The following DCC variants were observed in gnomAD, a reference collection of about 807,000 sequenced individuals.
DCC encodes the protein netrin receptor DCC.
A neutral mutation model predicts 172.5 loss-of-function variants in DCC; 58 were observed. That is an observed-to-expected ratio of 0.34 (90% CI 0.27 to 0.42). The LOEUF is 0.42. DCC is among the 10% of genes least tolerant of loss of function. The pLI is 1.00. For missense variants in DCC, 1,740 were observed against 1,791.0 expected (o/e 0.97, Z 0.51); for synonymous variants, 709 against 644.5 (o/e 1.10, Z -1.52).
chr18:53,303,184 T>G (rs188172882), intron 12 of DCC, among the ~76,000 whole-genome samples: 2 of 152,352 alleles, frequency 1.3e-5, no homozygotes, highest in East Asian at 3.9e-4. Context: ...TCCCACTGAA[T>G]TTTGAGAGAT....
chr18:52,978,231 G>T (rs1350852549), intron 5 of DCC, among the ~76,000 whole-genome samples: 2 of 152,050 alleles, frequency 1.3e-5, no homozygotes, highest in African/African-American at 4.8e-5. Flanking sequence ...GAAAGACAGT[G>T]GAAAATTGCT....
chr18:52,870,068 T>C (rs1053883307), intron 2 of DCC, among the ~76,000 whole-genome samples: 1 of 152,134 alleles, frequency 6.6e-6, no homozygotes, highest in Non-Finnish European at 1.5e-5. Flanking sequence ...AGTGGGCGAC[T>C]TGGCCTAGCC....
chr18:53,266,936 T>G (rs2056681775), intron 12 of DCC, among the ~76,000 whole-genome samples: 1 of 152,042 alleles, frequency 6.6e-6, no homozygotes, highest in African/African-American at 2.4e-5. Flanking sequence ...TCACAGATGT[T>G]TGGGCTGTTT....
intron 1 of DCC, among the ~76,000 whole-genome samples, chr18:52,728,002 A>T (rs1486874453): frequency 6.6e-6 from 1 of 152,174 alleles, no homozygotes; most frequent in Non-Finnish European, 1.5e-5. Context: ...CATTATAGTG[A>T]TACAATTTAT....
rs2056156694 is a variant in DCC at position 53,233,689 on chromosome 18, A to G, written c.1911+18092A>G. Among the ~76,000 whole-genome samples the G allele has an allele frequency of 2.0e-5, 3 of 152,228 alleles. No individual in the cohort carries two copies. In the South Asian group the frequency reaches 6.2e-4, roughly 31 times the overall value. On this transcript the variant is annotated intron_variant, in intron 12 of 28. Transcript: ENST00000442544. The stretch of plus-strand genomic sequence containing the variant: ...TACCTTTGTGAATAATTCACCAAGC[A>G]TGTGAACCACTGCTTATATAACTTC...
At chr18:52,671,350 G>T (rs1211647628) in intron 1 of DCC, among the ~76,000 whole-genome samples, 1 of 151,986 alleles carries the variant, frequency 6.6e-6, no homozygotes, top group Non-Finnish European at 1.5e-5. Context: ...CACTTCTCCT[G>T]GTTGTCTGCC....
chr18:52,754,560 C>T (rs2037049000), intron 2 of DCC, among the ~76,000 whole-genome samples: 1 of 152,168 alleles, frequency 6.6e-6, no homozygotes, highest in Middle Eastern at 3.2e-3. Context: ...TCATCAGAAA[C>T]CAATCATGCT....
rs1336231918 is a variant in DCC at position 53,420,970 on chromosome 18, A to G, written c.3163+4814A>G. On this transcript the variant is annotated intron_variant, in intron 21 of 28. Transcript: ENST00000442544. ...GGTTCCTAGAGTGTGCAGTCTTTCTACTGTAAATGGTTACTATATTTAAAC... is the reference window on the plus strand; with the variant it reads ...GGTTCCTAGAGTGTGCAGTCTTTCTGCTGTAAATGGTTACTATATTTAAAC... Among the ~76,000 whole-genome samples the G allele has an allele frequency of 3.9e-5, 6 of 152,102 alleles. No individual in the cohort carries two copies. The East Asian group carries it at 1.2e-3, about 29-fold the overall frequency.
At chr18:52,427,883 C>CCTTCCTTCCTTCCTTA (rs1568165795) in intron 1 of DCC, among the ~76,000 whole-genome samples, 2 of 139,986 alleles carry the variant, frequency 1.4e-5, no homozygotes, top group African/African-American at 5.4e-5. Flanking sequence ...TTCCTTCCTT[C>CCTTCCTTCCTTCCTTA]CTTCCTTCCT....
chr18:52,351,044 T>C (rs572427983), intron 1 of DCC, among the ~76,000 whole-genome samples: 1 of 152,218 alleles, frequency 6.6e-6, no homozygotes, highest in Admixed American at 6.5e-5. Context: ...GAAAATACTG[T>C]AGGAAAGGGT....
chr18:52,385,191 T>A (rs1985744535), intron 1 of DCC, among the ~76,000 whole-genome samples: 1 of 152,146 alleles, frequency 6.6e-6, no homozygotes, highest in Non-Finnish European at 1.5e-5. Flanking sequence ...GTCTGGGTGC[T>A]CTATTTTCTT....
intron 1 of DCC, among the ~76,000 whole-genome samples, chr18:52,429,817 T>C (rs114989634): frequency 1.0e-3 from 158 of 152,240 alleles, no homozygotes; most frequent in African/African-American, 3.7e-3. Flanking sequence ...TCTAAAGTAA[T>C]TAAAACCTGG....
chr18:53,355,645 G>C (rs2144917621), intron 15 of DCC, among the ~76,000 whole-genome samples: 2 of 152,218 alleles, frequency 1.3e-5, no homozygotes, highest in South Asian at 4.2e-4. Flanking sequence ...TGCTGAAGTT[G>C]CTTATCAGCT....
In DCC at chr18:53,195,620, C is replaced by T. The variant is rs572703707; in HGVS notation, c.1574-9596C>T. 2.0e-5 allele frequency among the ~76,000 whole-genome samples: 3 copies of T among 151,196 alleles called. No individual in the cohort carries two copies. The South Asian group carries it at 6.6e-4, about 33-fold the overall frequency. ...ATAGGGTCGTTTTTGTCTCCATTTC[C>T]CAACTTGTAAGTTCTGTTCTGGAAA... On this transcript the variant is annotated intron_variant, in intron 9 of 28. Transcript: ENST00000442544.
chr18:52,820,683 A>G (rs2038389859), intron 2 of DCC, among the ~76,000 whole-genome samples: 1 of 152,204 alleles, frequency 6.6e-6, no homozygotes, highest in Non-Finnish European at 1.5e-5. Flanking sequence ...TAGGATCAGT[A>G]ACCACATTAG....
intron 1 of DCC, among the ~76,000 whole-genome samples, chr18:52,532,813 A>G (rs892458174): frequency 6.6e-6 from 1 of 152,034 alleles, no homozygotes; most frequent in African/African-American, 2.4e-5. Flanking sequence ...CACATAAAAT[A>G]TATCCTTCTA....
At chr18:52,741,438 T>C (rs986396446) in intron 1 of DCC, among the ~76,000 whole-genome samples, 1 of 152,142 alleles carries the variant, frequency 6.6e-6, no homozygotes, top group African/African-American at 2.4e-5. Context: ...TAATTTTTTC[T>C]TGTGAGGGTC....
chr18:53,468,363 T>A (rs1366310613), intron 25 of DCC, among the ~76,000 whole-genome samples: 1 of 54,722 alleles, frequency 1.8e-5, no homozygotes, highest in Admixed American at 2.2e-4. Flanking sequence ...TATTTATTTA[T>A]TTTATTTATT....
intron 2 of DCC, among the ~76,000 whole-genome samples, chr18:52,860,019 C>T (rs1210646754): frequency 2.0e-5 from 3 of 152,196 alleles, no homozygotes; most frequent in African/African-American, 7.2e-5. Context: ...AGATCAGCTA[C>T]AGCTGTTTTC....
Sources: allele counts gnomAD v4.1 joint callset (sites outside exome capture counted in the v4.1 genomes callset), GRCh38; gene constraint gnomAD v4.1.1; transcripts MANE v1.5; gene names NCBI Gene and HGNC (gene_info 2026-07-23, HGNC 2026-07-21).